SNTG1: variants seen among roughly 807,000 people sequenced by gnomAD.
SNTG1 encodes gamma-1-syntrophin.
In SNTG1, 39 loss-of-function variants were observed where a neutral mutation model predicts 74.7. The ratio of observed to expected loss-of-function variants is 0.52; its 90% confidence interval spans 0.40 to 0.68. The LOEUF (loss-of-function observed/expected upper bound fraction) is 0.68, where lower values mean the gene tolerates loss of function less well. Among genes scored for constraint, SNTG1 ranks in the 30% least tolerant of loss-of-function variants. The pLI is 0.00. For synonymous variants in SNTG1, 254 were observed against 217.1 expected, an observed-to-expected ratio of 1.17 and a Z score of -1.49; for missense variants, 685 against 609.5, an observed-to-expected ratio of 1.12 and a Z score of -1.30.
chr8:50,416,749 A>G (rs1247809908), intron 4 of SNTG1, among the ~76,000 whole-genome samples: 1 of 152,128 alleles, frequency 6.6e-6, no homozygotes, highest in Non-Finnish European at 1.5e-5. Flanking sequence ...CTTTTTCCAT[A>G]AATGAAGACT....
chr8:50,546,763 T>G (rs542859388), intron 11 of SNTG1, among the ~76,000 whole-genome samples: 1 of 152,258 alleles, frequency 6.6e-6, no homozygotes. Context: ...GTGCTACATT[T>G]TCTTAATCCA....
intron 8 of SNTG1, among the ~76,000 whole-genome samples, chr8:50,484,102 C>CTCTTTCTTTCTCTCTTTCTTTCTTTCTT (rs2093763960): frequency 1.8e-5 from 2 of 110,848 alleles, no homozygotes; most frequent in Non-Finnish European, 3.6e-5. Context: ...CTTTCTTTCT[C>CTCTTTCTTTCTCTCTTTCTTTCTTTCTT]TCTTTCTTTC....
chr8:50,257,653 G>C (rs2086951294), intron 2 of SNTG1, among the ~76,000 whole-genome samples: 1 of 152,180 alleles, frequency 6.6e-6, no homozygotes, highest in Non-Finnish European at 1.5e-5. Flanking sequence ...GCCTTGAGCA[G>C]TATGATATAA....
intron 1 of SNTG1, among the ~76,000 whole-genome samples, chr8:49,935,059 G>T (rs1391998685): frequency 6.6e-6 from 1 of 152,002 alleles, no homozygotes; most frequent in Non-Finnish European, 1.5e-5. Context: ...GTTGAAGAAG[G>T]CAGAAAAGGT....
At chr8:50,005,915 T>C (rs2130503529) in intron 1 of SNTG1, among the ~76,000 whole-genome samples, 1 of 151,934 alleles carries the variant, frequency 6.6e-6, no homozygotes, top group East Asian at 1.9e-4. Context: ...GCTTGCTGTA[T>C]TTATTTCTGT....
At chr8:50,031,033 A>G (rs1199352073) in intron 1 of SNTG1, among the ~76,000 whole-genome samples, 1 of 151,936 alleles carries the variant, frequency 6.6e-6, no homozygotes, top group South Asian at 2.1e-4. Flanking sequence ...TGATTTCAAC[A>G]TGAAACTCTT....
intron 9 of SNTG1, among the ~76,000 whole-genome samples, chr8:50,527,250 C>A (rs527761119): frequency 4.6e-5 from 7 of 152,020 alleles, no homozygotes; most frequent in Non-Finnish European, 8.8e-5. Flanking sequence ...AAGCCTTTTG[C>A]CAGTGATATA....
intron 9 of SNTG1, among the ~76,000 whole-genome samples, chr8:50,504,088 A>G (rs2093986483): frequency 6.6e-6 from 1 of 152,078 alleles, no homozygotes; most frequent in Admixed American, 6.6e-5. Context: ...GAGAATGTGA[A>G]GTATTTGGTT....
At chr8:50,780,745 T>G (rs1049213820) in intron 18 of SNTG1, among the ~76,000 whole-genome samples, 53 of 152,198 alleles carry the variant, frequency 3.5e-4, no homozygotes, top group Non-Finnish European at 4.7e-4. Context: ...CCTTCTGCTA[T>G]CTTTTGAATG....
In SNTG1 at chr8:49,941,718, G is replaced by C. The variant is rs540011779; in HGVS notation, c.-103+29487G>C. Among the ~76,000 whole-genome samples the C allele has an allele frequency of 2.6e-5, 4 of 152,032 alleles. No individual in the cohort carries two copies. The South Asian group carries it at 8.3e-4, about 32-fold the overall frequency. ...AAGCCTGTGTCACATTCCACTAGCA[G>C]ATGTCCTGAACTCTGGGATAAGTCT... On this transcript the variant is annotated intron_variant, in intron 1 of 18. Transcript: ENST00000642720.
intron 1 of SNTG1, among the ~76,000 whole-genome samples, chr8:50,021,933 C>A (rs1403489395): frequency 5.5e-5 from 4 of 72,326 alleles, no homozygotes; most frequent in Non-Finnish European, 8.0e-5. Flanking sequence ...ACAGTGAGAC[C>A]CTCTCAAAAA....
chr8:50,788,324 C>G (rs139620692), intron 18 of SNTG1, among the ~76,000 whole-genome samples: 1 of 151,990 alleles, frequency 6.6e-6, no homozygotes, highest in African/African-American at 2.4e-5. Flanking sequence ...TAATTTTCTC[C>G]AGCAGTTTCA....
At chr8:49,935,202 AGTGTGTGTGT>A (rs140067006) in intron 1 of SNTG1, among the ~76,000 whole-genome samples, 159 of 133,882 alleles carry the variant, frequency 1.2e-3, no homozygotes, top group African/African-American at 3.3e-3. Flanking sequence ...GCCAAGCAGA[AGTGTGTGTGT>A]GTGTGTGTGT....
At chr8:50,400,595 A>C (rs887333381) in intron 3 of SNTG1, among the ~76,000 whole-genome samples, 1 of 152,202 alleles carries the variant, frequency 6.6e-6, no homozygotes, top group Non-Finnish European at 1.5e-5. Flanking sequence ...TTTAAGGGAT[A>C]TACTAATTTA....
chr8:50,583,741 A>T (rs1455067016), intron 12 of SNTG1, among the ~76,000 whole-genome samples: 2 of 150,752 alleles, frequency 1.3e-5, no homozygotes, highest in African/African-American at 2.5e-5. Context: ...GCTAGAGGTC[A>T]GGTAAGTTTC....
chr8:50,536,633 A>C (rs1464442460), intron 10 of SNTG1, 45 bp from the exon 11 acceptor site: 2 of 1,597,998 alleles, frequency 1.3e-6, no homozygotes, highest in African/African-American at 2.7e-5. Context: ...AGAAACTCAA[A>C]GCACAGAAGA....
chr8:50,707,612 G>GT (rs1240912689), intron 16 of SNTG1, among the ~76,000 whole-genome samples: 1 of 152,142 alleles, frequency 6.6e-6, no homozygotes, highest in East Asian at 1.9e-4. Context: ...AATTAATGTA[G>GT]TTTTATACAC....
intron 9 of SNTG1, among the ~76,000 whole-genome samples, chr8:50,505,822 G>C (rs150320982): frequency 2.1e-3 from 312 of 152,046 alleles, no homozygotes; most frequent in African/African-American, 7.0e-3. Flanking sequence ...TCACTCTGTT[G>C]ATCATTTTAT....
intron 1 of SNTG1, among the ~76,000 whole-genome samples, chr8:49,932,644 C>A (rs1807701220): frequency 6.6e-6 from 1 of 151,790 alleles, no homozygotes; most frequent in East Asian, 1.9e-4. Context: ...ATAATACTTA[C>A]CCTCTTAAAG....
Sources: gnomAD v4.1 joint callset for allele counts (sites outside exome capture counted in the v4.1 genomes callset) on GRCh38, gnomAD v4.1.1 for gene constraint, MANE v1.5 for transcripts, NCBI Gene and HGNC (gene_info 2026-07-23, HGNC 2026-07-21) for gene names.